Variants in ARHGEF12 observed in about 807,000 individuals in gnomAD.
ARHGEF12 encodes Rho guanine nucleotide exchange factor 12, also known as KMT2A/ARHGEF12 fusion protein.
Under a neutral mutation model 211.2 loss-of-function variants are expected in ARHGEF12, and 66 were observed. The observed-to-expected ratio is 0.31, with a 90% confidence interval of 0.26 to 0.38. ARHGEF12 has a LOEUF of 0.38. Ranked by LOEUF, ARHGEF12 falls within the 10% of genes least tolerant of loss-of-function variation. The pLI is 1.00. For synonymous variants in ARHGEF12, 592 were observed against 638.4 expected (o/e 0.93, Z 1.09); for missense variants, 1,429 against 1,869.5 (o/e 0.76, Z 4.34).
At chr11:120,406,283 TA>T in intron 2 of ARHGEF12, 142 bp downstream of exon 2, 1 of 532,024 alleles carries the variant, frequency 1.9e-6, no homozygotes, top group Non-Finnish European at 3.1e-6. Flanking sequence ...TTTACAAATT[TA>T]AAATGTAAAA....
intron 30 of ARHGEF12, among the ~76,000 whole-genome samples, chr11:120,470,775 C>T (rs988764282): frequency 2.6e-5 from 4 of 152,094 alleles, no homozygotes; most frequent in Admixed American, 6.6e-5. Flanking sequence ...TTATATCTAC[C>T]TTTTGACTCC....
chr11:120,488,515 AAG>A lies in ARHGEF12; in HGVS notation c.*3441_*3442del, dbSNP rs1219987614. 1 of 218,142 alleles carries A rather than the reference AAG, an allele frequency of 4.6e-6. No homozygotes were observed. The highest frequency in any genetic ancestry group is 2.3e-5 in the African/African-American group (1 of 44,440). The allele number at this position is 218,142 out of a possible 1,614,324, so 13.5% of individuals were successfully genotyped here. A position where few individuals can be genotyped will look rare whatever the true frequency, so the allele number is the denominator to read the frequency against. ...TACAAAATTTTTCTTTCCTCAAGAA[AAG>A]AGTTCCTTTTGCCTTATTCCTTATG... On this transcript the variant is annotated 3_prime_UTR_variant, in exon 41 of 41. Coordinates refer to ENST00000397843, the MANE Select transcript of ARHGEF12 (RefSeq NM_015313.3).
chr11:120,422,167 T>G (rs1318066196), intron 6 of ARHGEF12, among the ~76,000 whole-genome samples: 1 of 152,236 alleles, frequency 6.6e-6, no homozygotes, highest in African/African-American at 2.4e-5. Context: ...GTTGAACATT[T>G]CTAATCTGAC....
chr11:120,450,488 T>C (rs1048274950), intron 21 of ARHGEF12: 4 of 152,022 alleles, frequency 2.6e-5, no homozygotes, highest in Non-Finnish European at 5.9e-5. Context: ...GTGCCTCTTG[T>C]TGAGAAACAT....
At chr11:120,428,684 A>G (rs1374331277) in intron 8 of ARHGEF12, among the ~76,000 whole-genome samples, 1 of 152,206 alleles carries the variant, frequency 6.6e-6, no homozygotes, top group Admixed American at 6.5e-5. Context: ...GGCAGAATGT[A>G]GACATTATGA....
At chr11:120,383,929 G>A (rs144032429) in intron 1 of ARHGEF12, among the ~76,000 whole-genome samples, 1 of 152,232 alleles carries the variant, frequency 6.6e-6, no homozygotes, top group Non-Finnish European at 1.5e-5. Flanking sequence ...GTTGAGACAT[G>A]AAATTAGTTG....
intron 1 of ARHGEF12, among the ~76,000 whole-genome samples, chr11:120,384,403 C>T (rs1194251281): frequency 2.0e-5 from 3 of 152,074 alleles, no homozygotes; most frequent in Non-Finnish European, 2.9e-5. Flanking sequence ...GTTTTTCATT[C>T]GTTACTTATA....
chr11:120,473,239 G>T lies in ARHGEF12; in HGVS notation c.3033+112G>T, dbSNP rs577972014. The T allele has an allele frequency of 4.4e-6, 4 of 902,934 alleles. No homozygotes were observed. The East Asian group carries it at 1.1e-4, about 24-fold the overall frequency. 55.9% of individuals were successfully genotyped at this position (902,934 alleles called of 1,614,324 possible). On this transcript the variant is annotated intron_variant, in intron 31 of 40. Coordinates refer to ENST00000397843, the MANE Select transcript of ARHGEF12 (RefSeq NM_015313.3). ...CGTCACCTGAAGGAGTTCTTGTATC[G>T]TAGATTATCTGTATTTATGATTTTT...
At chr11:120,399,798 G>A (rs1944506314) in intron 1 of ARHGEF12, among the ~76,000 whole-genome samples, 1 of 152,074 alleles carries the variant, frequency 6.6e-6, no homozygotes, top group African/African-American at 2.4e-5. Flanking sequence ...AATAAAAAAT[G>A]CAACCAAACT....
chr11:120,432,908 GTTTT>G (rs1208898292), intron 11 of ARHGEF12, among the ~76,000 whole-genome samples: 1 of 152,082 alleles, frequency 6.6e-6, no homozygotes, highest in Non-Finnish European at 1.5e-5. Flanking sequence ...GGATTTGTGG[GTTTT>G]TTGTTTTGTT....
chr11:120,345,793 A>G (rs1942701350), intron 1 of ARHGEF12, among the ~76,000 whole-genome samples: 1 of 151,792 alleles, frequency 6.6e-6, no homozygotes, highest in Admixed American at 6.6e-5. Context: ...TAAAAAAATT[A>G]ACAATGAATG....
Position 120,484,045 on chromosome 11 carries a change from A to G in ARHGEF12, c.4555-393A>G, listed in dbSNP as rs1054862732. On this transcript the variant is annotated intron_variant, in intron 39 of 40. Transcript: ENST00000397843. The stretch of plus-strand genomic sequence containing the variant: ...GCTGGGATTACAGGCGTGAGCCACC[A>G]TGCCCCACCCATAATAATCTTAAGG... Among the ~76,000 whole-genome samples the G allele has an allele frequency of 3.3e-5, 5 of 152,244 alleles. No individual in the cohort carries two copies. The South Asian group carries it at 6.2e-4, about 19-fold the overall frequency.
At chr11:120,342,653 T>C (rs1009648270) in intron 1 of ARHGEF12, among the ~76,000 whole-genome samples, 1 of 152,192 alleles carries the variant, frequency 6.6e-6, no homozygotes, top group African/African-American at 2.4e-5. Context: ...TCACTTTTAT[T>C]TTAGATAGTC....
At chr11:120,425,466 T>G (rs557963949) in intron 7 of ARHGEF12, among the ~76,000 whole-genome samples, 12 of 152,002 alleles carry the variant, frequency 7.9e-5, no homozygotes, top group African/African-American at 2.9e-4. Context: ...TTTTTGTTTT[T>G]TGTTTTGTCT....
chr11:120,345,694 T>A (rs1403306508), intron 1 of ARHGEF12, among the ~76,000 whole-genome samples: 2 of 87,762 alleles, frequency 2.3e-5, no homozygotes, highest in East Asian at 5.9e-4. Context: ...AGAGCGAGAC[T>A]CCGTCTCAAA....
chr11:120,443,220 A>G (rs1360589379), intron 15 of ARHGEF12, among the ~76,000 whole-genome samples: 3 of 151,718 alleles, frequency 2.0e-5, no homozygotes, highest in African/African-American at 7.3e-5. Context: ...GGGTTTCGCC[A>G]TGTTGCCCAG....
At chr11:120,461,906 A>G (rs967964710) in intron 27 of ARHGEF12, among the ~76,000 whole-genome samples, 3 of 152,182 alleles carry the variant, frequency 2.0e-5, no homozygotes, top group African/African-American at 7.2e-5. Flanking sequence ...CATAGAATTG[A>G]AGAGAATTAG....
At chr11:120,451,050 A>G (rs1191846637) in intron 21 of ARHGEF12, 2 of 152,136 alleles carry the variant, frequency 1.3e-5, no homozygotes, top group East Asian at 1.9e-4. Flanking sequence ...GTCTGTCTGT[A>G]TGTTTCTCTG....
At chr11:120,415,085 A>G (rs1944990969) in intron 4 of ARHGEF12, among the ~76,000 whole-genome samples, 1 of 152,212 alleles carries the variant, frequency 6.6e-6, no homozygotes, top group Non-Finnish European at 1.5e-5. Context: ...TTTATACCAG[A>G]TGATAAAGGA....
Sources: allele counts gnomAD v4.1 joint callset (sites outside exome capture counted in the v4.1 genomes callset), GRCh38; gene constraint gnomAD v4.1.1; transcripts MANE v1.5; gene names NCBI Gene and HGNC (gene_info 2026-07-23, HGNC 2026-07-21).